The following MCTP1 variants were observed in gnomAD, a reference collection of about 807,000 sequenced individuals.
MCTP1 encodes the protein multiple C2 and transmembrane domain containing 1, also known as multiple C2 and transmembrane domain-containing protein 1.
Under a neutral mutation model 120.6 loss-of-function variants are expected in MCTP1, and 69 were observed. The ratio of observed to expected loss-of-function variants is 0.57; its 90% confidence interval spans 0.47 to 0.70. The LOEUF is 0.70. MCTP1 is among the 30% of genes least tolerant of loss of function. The pLI, the probability that MCTP1 is intolerant of heterozygous loss-of-function variation, is 0.00. For synonymous variants in MCTP1, 529 were observed against 493.1 expected (o/e 1.07, Z -0.96); for missense variants, 1,203 against 1,248.8 (o/e 0.96, Z 0.55).
At chr5:94,863,530 G>A (rs1796213341) in intron 17 of MCTP1, among the ~76,000 whole-genome samples, 1 of 151,792 alleles carries the variant, frequency 6.6e-6, no homozygotes, top group Non-Finnish European at 1.5e-5. Flanking sequence ...GTGCCTTAAT[G>A]TGAATATTAA....
chr5:94,919,755 T>C (rs140652271), intron 7 of MCTP1, among the ~76,000 whole-genome samples: 1 of 152,318 alleles, frequency 6.6e-6, no homozygotes, highest in East Asian at 1.9e-4. Context: ...CTGTTCTATC[T>C]TTTGCTTTTC....
At chr5:95,061,426 T>G (rs1422212149) in intron 1 of MCTP1, among the ~76,000 whole-genome samples, 466 of 42,510 alleles carry the variant, frequency 0.011, 53 homozygotes, top group East Asian at 0.029. Flanking sequence ...TTTTTTTTTT[T>G]TTTTTTTTTT....
At chr5:95,167,399 T>C (rs1746555131) in intron 1 of MCTP1, among the ~76,000 whole-genome samples, 1 of 152,218 alleles carries the variant, frequency 6.6e-6, no homozygotes, top group African/African-American at 2.4e-5. Flanking sequence ...AGCAGTATGA[T>C]TTATAATCCT....
intron 1 of MCTP1, among the ~76,000 whole-genome samples, chr5:95,099,691 C>T (rs141936449): frequency 0.023 from 3,546 of 151,376 alleles, 125 homozygotes; most frequent in African/African-American, 0.079. Flanking sequence ...TAAACTAGTT[C>T]GACCATTGTG....
At chr5:95,189,076 G>A (rs564051563) in intron 1 of MCTP1, among the ~76,000 whole-genome samples, 2 of 152,220 alleles carry the variant, frequency 1.3e-5, no homozygotes, top group East Asian at 1.9e-4. Flanking sequence ...GTCCTAGACC[G>A]GAAATAACCC....
chr5:94,867,326 G>A, intron 17 of MCTP1: 2 of 1,533,134 alleles, frequency 1.3e-6, no homozygotes, highest in Non-Finnish European at 1.7e-6. Flanking sequence ...AACACAAAGG[G>A]ACGTAGACAC....
intron 2 of MCTP1, among the ~76,000 whole-genome samples, chr5:94,978,019 A>C (rs1393726496): frequency 6.6e-6 from 1 of 152,112 alleles, no homozygotes. Flanking sequence ...TCTACAACAC[A>C]ATAGCAAAAA....
intron 10 of MCTP1, among the ~76,000 whole-genome samples, chr5:94,901,340 G>T (rs1035088397): frequency 6.6e-6 from 1 of 151,892 alleles, no homozygotes; most frequent in Non-Finnish European, 1.5e-5. Context: ...CTTCCACCCG[G>T]GTCCCTCCCA....
chr5:94,948,269 G>C (rs1255009384), intron 3 of MCTP1, among the ~76,000 whole-genome samples: 1 of 152,042 alleles, frequency 6.6e-6, no homozygotes, highest in African/African-American at 2.4e-5. Context: ...TTATTTGTAG[G>C]GTTAGGGTTA....
At chr5:94,926,081 A>AT (rs1413050371) in intron 6 of MCTP1, among the ~76,000 whole-genome samples, 6 of 152,150 alleles carry the variant, frequency 3.9e-5, no homozygotes, top group Admixed American at 6.5e-5. Flanking sequence ...ATATAATGTG[A>AT]TTTTTTTCAG....
chr5:94,733,404 C>A (rs7711363), intron 19 of MCTP1, among the ~76,000 whole-genome samples: 2 of 152,046 alleles, frequency 1.3e-5, no homozygotes, highest in African/African-American at 2.4e-5. Flanking sequence ...ATCATCTTTC[C>A]TTAGAACAAA....
chr5:95,194,939 G>C lies in MCTP1; in HGVS notation c.720+88917C>G, dbSNP rs150167232. On this transcript the variant is annotated intron_variant, in intron 1 of 22. Transcript: ENST00000515393. Reference sequence around the variant, plus strand: ...CTTCAAGGCTTTAAAATTGGGAGCAGAGACCTTGGCAATAAGAAACTGCTG... The same window carrying C: ...CTTCAAGGCTTTAAAATTGGGAGCACAGACCTTGGCAATAAGAAACTGCTG... Among the ~76,000 whole-genome samples the C allele has an allele frequency of 4.1e-4, 63 of 152,320 alleles. No individual in the cohort carries two copies. In the East Asian group the frequency reaches 0.012, roughly 28 times the overall value.
chr5:95,065,084 AAAT>A (rs1295534980), intron 1 of MCTP1, among the ~76,000 whole-genome samples: 11 of 152,162 alleles, frequency 7.2e-5, no homozygotes, highest in Non-Finnish European at 1.5e-4. Context: ...ATACATCTGA[AAAT>A]AATAACTATT....
intron 1 of MCTP1, among the ~76,000 whole-genome samples, chr5:95,031,090 T>A (rs921698842): frequency 1.7e-4 from 25 of 150,916 alleles, no homozygotes; most frequent in Non-Finnish European, 2.8e-4. Flanking sequence ...GACAAAAATT[T>A]AAAAAAAATT....
Position 94,827,937 on chromosome 5 carries a change from T to C in MCTP1, c.2437-28805A>G, listed in dbSNP as rs139572401. ...TGCTCCTTTAGTTCAGAGGAGTTTG[T>C]TATTACCCACCTTCTGAAGCCTACT... On this transcript the variant is annotated intron_variant, in intron 17 of 22. Coordinates refer to ENST00000515393, the MANE Select transcript of MCTP1 (RefSeq NM_024717.7). 3.2e-3 allele frequency among the ~76,000 whole-genome samples: 493 copies of C among 152,058 alleles called. 5 individuals are homozygous for C. Among genetic ancestry groups the C allele is most frequent in the African/African-American group, 0.011 (473 of 41,432 alleles).
intron 1 of MCTP1, among the ~76,000 whole-genome samples, chr5:95,098,881 G>C (rs1756482890): frequency 6.6e-6 from 1 of 152,252 alleles, no homozygotes; most frequent in African/African-American, 2.4e-5. Flanking sequence ...ATACCACAAG[G>C]CTACAGTAAC....
At position 94,917,901 on chromosome 5, in the gene MCTP1, C is replaced by T; in HGVS notation, c.1345G>A (p.Val449Ile). Residue 449 changes from valine to isoleucine, a missense_variant, in exon 8 of 23, where the codon GTA becomes ATA. Physicochemically the swap from Val to Ile is conservative, Grantham distance 29 (BLOSUM62 3). Around this residue, in one of 2 missense-constraint regions of MCTP1, gnomAD observed 740 missense variants for 871.1 expected, o/e 0.85. Coordinates refer to ENST00000515393, the MANE Select transcript of MCTP1 (RefSeq NM_024717.7). ...AELQNPYCKN[V>I]QFQTQSLRLS... ...AACTGAATGGTTGAACTTACTTGTACATTTTTGCAATAAGGATTCTGAAGC... is the reference window on the plus strand; with the variant it reads ...AACTGAATGGTTGAACTTACTTGTATATTTTTGCAATAAGGATTCTGAAGC... 1 of 1,613,340 alleles carries T rather than the reference C, an allele frequency of 6.2e-7. No homozygotes were observed. Among genetic ancestry groups the T allele is most frequent in the Non-Finnish European group, 8.5e-7 (1 of 1,179,338 alleles).
intron 1 of MCTP1, among the ~76,000 whole-genome samples, chr5:95,178,270 G>C (rs1748233443): frequency 6.6e-6 from 1 of 152,196 alleles, no homozygotes; most frequent in Admixed American, 6.5e-5. Context: ...GCCTGCCCTG[G>C]CAGCTGAAGA....
rs981411633 is a variant in MCTP1, at chr5:94,812,360, AG to A, written c.2437-13229del. ...CTCTCTGAAATTTAATGTCCTCTCA[AG>A]GAAAAATGTGAGCTATTGGTAGATG... On this transcript the variant is annotated intron_variant, in intron 17 of 22. Coordinates refer to ENST00000515393, the MANE Select transcript of MCTP1 (RefSeq NM_024717.7). Among the ~76,000 whole-genome samples, 3 of 152,030 alleles carry A rather than the reference AG, an allele frequency of 2.0e-5. 1 individual carries two copies.
Sources: gnomAD v4.1 joint callset for allele counts (sites outside exome capture counted in the v4.1 genomes callset) on GRCh38, gnomAD v4.1.1 for gene constraint, gnomAD v4.1.1 regional missense constraint, MANE v1.5 for transcripts, NCBI Gene and HGNC (gene_info 2026-07-23, HGNC 2026-07-21) for gene names.